Variants in MPV17L observed in about 807,000 individuals in gnomAD.
The protein encoded by MPV17L is MPV17 mitochondrial inner membrane protein like.
Under a neutral mutation model 25.8 loss-of-function variants are expected in MPV17L, and 24 were observed. The ratio of observed to expected loss-of-function variants is 0.93; its 90% CI spans 0.67 to 1.31. The LOEUF (loss-of-function observed/expected upper bound fraction) is 1.31. MPV17L is among the 50% of genes most tolerant of loss of function. The pLI, the probability that MPV17L is intolerant of heterozygous loss-of-function variation, is 0.00. For missense variants in MPV17L, 250 were observed against 265.6 expected, an observed-to-expected ratio of 0.94 and a Z score of 0.41; for synonymous variants, 102 against 115.3, an observed-to-expected ratio of 0.88 and a Z score of 0.74.
intron 2 of MPV17L, among the ~76,000 whole-genome samples, chr16:15,406,247 T>C (rs569416430): frequency 6.6e-6 from 1 of 151,914 alleles, no homozygotes; most frequent in Non-Finnish European, 1.5e-5. Context: ...TACGTATATA[T>C]GTATATGTAT....
At chr16:15,403,026 T>C (rs1255411952) in intron 2 of MPV17L, among the ~76,000 whole-genome samples, 3 of 152,046 alleles carry the variant, frequency 2.0e-5, no homozygotes, top group Non-Finnish European at 4.4e-5. Flanking sequence ...TTTTCCATTA[T>C]GTTGTAAAGT....
intron 2 of MPV17L, among the ~76,000 whole-genome samples, chr16:15,405,230 AAC>A (rs1244145118): frequency 6.6e-6 from 1 of 152,018 alleles, no homozygotes; most frequent in East Asian, 1.9e-4. Flanking sequence ...CAAGAAAAAA[AAC>A]ACAGCCATAA....
rs748747248 is a variant in MPV17L, at chr16:15,399,488, C to T, written c.311-1299C>T. The T allele has an allele frequency of 2.7e-5, 12 of 440,982 alleles. 1 individual carries two copies. Among genetic ancestry groups the T allele is most frequent in the South Asian group, 1.9e-4 (12 of 61,684 alleles). The allele number at this position is 440,982 out of a possible 1,614,324, so 27.3% of individuals were successfully genotyped here. On this transcript the variant is annotated intron_variant, in intron 1 of 3. Coordinates refer to ENST00000396385, the MANE Select transcript of MPV17L (RefSeq NM_001128423.2). ...TGATGTGATCACAGCTCATTGCAGCCTCGACCTCCTGGGCTCAAGCGATCC... is the reference window on the plus strand; with the variant it reads ...TGATGTGATCACAGCTCATTGCAGCTTCGACCTCCTGGGCTCAAGCGATCC...
At position 15,395,964 on chromosome 16, in the gene MPV17L, C is replaced by T. The variant is rs972969079; in HGVS notation, c.67C>T (p.Leu23Phe). 8.6e-6 allele frequency: 13 copies of T among 1,513,292 alleles called. No homozygotes were observed. The Admixed American group carries it at 1.0e-4, about 12-fold the overall frequency. The allele number at this position is 1,513,292 out of a possible 1,614,324, so 93.7% of individuals were successfully genotyped here. A position where few individuals can be genotyped will look rare whatever the true frequency, so the allele number is the denominator to read the frequency against. The stretch of plus-strand genomic sequence containing the variant: ...CCACCCGTGGCCCACCAACGTGCTG[C>T]TTTACGGCTCGCTCGTCTCGGCCGG... ...RRHPWPTNVL[L>F]YGSLVSAGDA... Residue 23 changes from leucine to phenylalanine, a missense_variant, in exon 1 of 4, where the codon CTT becomes TTT. Transcript: ENST00000396385.
intron 1 of MPV17L, among the ~76,000 whole-genome samples, chr16:15,397,927 C>T (rs1289645105): frequency 6.6e-6 from 1 of 152,144 alleles, no homozygotes; most frequent in Non-Finnish European, 1.5e-5. Flanking sequence ...GTGTGATTTG[C>T]AGACTAGATT....
In MPV17L at chr16:15,396,213, G is replaced by T. The variant is rs1282800560; in HGVS notation, c.310+6G>T. 3.9e-6 allele frequency: 6 copies of T among 1,547,846 alleles called. No individual in the cohort carries two copies. Among genetic ancestry groups the T allele is most frequent in the African/African-American group, 1.4e-5 (1 of 73,078 alleles). ...GGTCTCGGCCTTCTATGTCGGTGAG[G>T]GGCCGGGAGGGGACCTGGGGGGTGG... On this transcript the variant is annotated splice_donor_region_variant and intron_variant, in intron 1 of 3. Transcript: ENST00000396385.
intron 1 of MPV17L, among the ~76,000 whole-genome samples, chr16:15,396,732 G>C (rs1428505071): frequency 6.6e-6 from 1 of 152,184 alleles, no homozygotes; most frequent in Non-Finnish European, 1.5e-5. Flanking sequence ...CAGTGACCCT[G>C]AGGGGCAGAG....
At position 15,409,921 on chromosome 16, in the gene MPV17L, T is replaced by A. The variant is rs2150909462; in HGVS notation, c.*1809T>A. The A allele has an allele frequency of 6.6e-6, 1 of 152,346 alleles. No individual in the cohort carries two copies. The highest frequency in any genetic ancestry group is 1.9e-4 in the East Asian group (1 of 5,190). The allele number at this position is 152,346 out of a possible 1,614,324, so 9.4% of individuals were successfully genotyped here. ...TATTTTTATAATTTTTAATGAATGC[T>A]TTTTAGTTTTGGGCAGATTCAGTTG... On this transcript the variant is annotated 3_prime_UTR_variant, in exon 4 of 4. Transcript: ENST00000396385.
intron 2 of MPV17L, among the ~76,000 whole-genome samples, chr16:15,405,778 C>G (rs981987344): frequency 6.6e-6 from 1 of 151,762 alleles, no homozygotes; most frequent in African/African-American, 2.4e-5. Context: ...GGCTCGGTGT[C>G]TCACGCCTGT....
intron 1 of MPV17L, among the ~76,000 whole-genome samples, chr16:15,397,762 CT>C (rs1172058505): frequency 1.3e-5 from 2 of 152,110 alleles, no homozygotes; most frequent in African/African-American, 4.8e-5. Context: ...GATTCACTTC[CT>C]TTCCCTACAG....
At chr16:15,396,907 C>T (rs1598421436) in intron 1 of MPV17L, among the ~76,000 whole-genome samples, 1 of 152,240 alleles carries the variant, frequency 6.6e-6, no homozygotes, top group East Asian at 1.9e-4. Context: ...AGGGAACCCT[C>T]TCCTTAGAAA....
At chr16:15,405,374 GAA>G (rs796083571) in intron 2 of MPV17L, among the ~76,000 whole-genome samples, 2 of 98,082 alleles carry the variant, frequency 2.0e-5, no homozygotes, top group Non-Finnish European at 4.3e-5. Flanking sequence ...TCTGTATTAA[GAA>G]AAAAAAAAAA....
intron 2 of MPV17L, among the ~76,000 whole-genome samples, chr16:15,403,479 C>T (rs1405555724): frequency 6.6e-6 from 1 of 151,474 alleles, no homozygotes; most frequent in African/African-American, 2.4e-5. Context: ...TTGAGACCAG[C>T]CTGCGCAACC....
intron 2 of MPV17L, among the ~76,000 whole-genome samples, chr16:15,405,782 C>T (rs222911): frequency 0.12 from 18,715 of 151,636 alleles, 1,440 homozygotes; most frequent in East Asian, 0.38. Flanking sequence ...CGGTGTCTCA[C>T]GCCTGTAATC....
chr16:15,404,100 G>C (rs1012833548), intron 2 of MPV17L, among the ~76,000 whole-genome samples: 38 of 152,082 alleles, frequency 2.5e-4, no homozygotes, highest in African/African-American at 8.9e-4. Flanking sequence ...GTGAGACCCT[G>C]TCTCAAAATA....
chr16:15,400,602 G>A (rs1347736074), intron 1 of MPV17L, among the ~76,000 whole-genome samples, 185 bp from the exon 2 acceptor site: 1 of 151,898 alleles, frequency 6.6e-6, no homozygotes, highest in Non-Finnish European at 1.5e-5. Context: ...TGCCTGCCTC[G>A]GCCTCCCGTT....
At chr16:15,401,076 ATATATATATATT>A (rs1473044810) in intron 2 of MPV17L, among the ~76,000 whole-genome samples, 2 of 31,290 alleles carry the variant, frequency 6.4e-5, no homozygotes, top group Non-Finnish European at 1.6e-4. Context: ...ATATATATAT[ATATATATATATT>A]TTTTTTTTTT....
At position 15,396,219 on chromosome 16, in the gene MPV17L, G is replaced by A. The variant is rs1171872359; in HGVS notation, c.310+12G>A. The A allele has an allele frequency of 1.9e-6, 3 of 1,547,642 alleles. No homozygotes were observed. In the Admixed American group the frequency reaches 5.9e-5, roughly 30 times the overall value. The stretch of plus-strand genomic sequence containing the variant: ...GGCCTTCTATGTCGGTGAGGGGCCG[G>A]GAGGGGACCTGGGGGGTGGGACCCA... On this transcript the variant is annotated intron_variant, in intron 1 of 3. Coordinates refer to ENST00000396385, the MANE Select transcript of MPV17L (RefSeq NM_001128423.2).
rs1339654149 is a variant in MPV17L, at chr16:15,409,548, C to G, written c.*1436C>G. The G allele has an allele frequency of 6.6e-6, 1 of 152,216 alleles. No homozygotes were observed. The highest frequency in any genetic ancestry group is 1.5e-5 in the Non-Finnish European group (1 of 68,050). The allele number at this position is 152,216 out of a possible 1,614,324, so 9.4% of individuals were successfully genotyped here. A position where few individuals can be genotyped will look rare whatever the true frequency, so the allele number is the denominator to read the frequency against. ...TGTACTTTGTGAGATCCACCCCTGC[C>G]CGCAAAACATTGCTCCAAACTCCAC... On this transcript the variant is annotated 3_prime_UTR_variant, in exon 4 of 4. Coordinates refer to ENST00000396385, the MANE Select transcript of MPV17L (RefSeq NM_001128423.2).
Sources: allele counts gnomAD v4.1 joint callset (sites outside exome capture counted in the v4.1 genomes callset), GRCh38; gene constraint gnomAD v4.1.1; transcripts MANE v1.5; gene names NCBI Gene and HGNC (gene_info 2026-07-23, HGNC 2026-07-21).